Variants in AIDA observed in about 807,000 individuals in gnomAD.
The protein encoded by AIDA is axin interactor, dorsalization associated.
AIDA carries 18 observed loss-of-function variants against 42.7 expected under a neutral mutation model. The ratio of observed to expected loss-of-function variants is 0.42; its 90% CI spans 0.29 to 0.63. The LOEUF (loss-of-function observed/expected upper bound fraction) is 0.63. Ranked by LOEUF, AIDA falls within the 20% of genes least tolerant of loss-of-function variation. The pLI is 0.19. For missense variants in AIDA, 250 were observed against 354.1 expected, an observed-to-expected ratio of 0.71 and a Z score of 2.36; for synonymous variants, 104 against 122.9, an observed-to-expected ratio of 0.85 and a Z score of 1.02.
At chr1:222,677,086 C>G (rs1254964077) in intron 6 of AIDA, among the ~76,000 whole-genome samples, 1 of 151,916 alleles carries the variant, frequency 6.6e-6, no homozygotes, top group Non-Finnish European at 1.5e-5. Flanking sequence ...GAATTTTTTT[C>G]TTTTCTTCAC....
intron 7 of AIDA, among the ~76,000 whole-genome samples, chr1:222,675,094 C>G (rs1664520675): frequency 6.6e-6 from 1 of 152,180 alleles, no homozygotes; most frequent in Non-Finnish European, 1.5e-5. Flanking sequence ...TAATCCCTCT[C>G]TGTGGCAGAA....
chr1:222,701,757 G>A (rs1655713331), intron 2 of AIDA, among the ~76,000 whole-genome samples: 1 of 151,932 alleles, frequency 6.6e-6, no homozygotes, highest in Admixed American at 6.6e-5. Context: ...TCTTGCTCTG[G>A]CTGTCGCGCA....
At chr1:222,696,961 T>C (rs1040521530) in intron 2 of AIDA, among the ~76,000 whole-genome samples, 3 of 152,028 alleles carry the variant, frequency 2.0e-5, no homozygotes, top group African/African-American at 7.2e-5. Flanking sequence ...TTTTTTTTAA[T>C]ATACGGAGTC....
chr1:222,681,500 C>T lies in AIDA; in HGVS notation c.461-5282G>A, dbSNP rs148677526. Among the ~76,000 whole-genome samples, 8 of 152,130 alleles carry T rather than the reference C, an allele frequency of 5.3e-5. No homozygotes were observed. In the East Asian group the frequency reaches 1.5e-3, roughly 29 times the overall value. On this transcript the variant is annotated intron_variant, in intron 6 of 9. Coordinates refer to ENST00000340020, the MANE Select transcript of AIDA (RefSeq NM_022831.4). ...CCAACATGGTGAAACTCTGCCTGCA[C>T]TAAAAATACAAAAATGAGCCGGTGT...
chr1:222,679,089 T>C (rs1175431102), intron 6 of AIDA, among the ~76,000 whole-genome samples: 2 of 152,200 alleles, frequency 1.3e-5, no homozygotes, highest in Non-Finnish European at 1.5e-5. Flanking sequence ...TTATGCTCTA[T>C]AAACATGTGG....
chr1:222,712,111 C>CT, intron 1 of AIDA, 97 bp downstream of exon 1: 1 of 1,532,332 alleles, frequency 6.5e-7, no homozygotes. Flanking sequence ...CCTGAGAAGC[C>CT]TTGGCTGCAG....
chr1:222,677,112 C>A (rs1476329678), intron 6 of AIDA, among the ~76,000 whole-genome samples: 1 of 151,934 alleles, frequency 6.6e-6, no homozygotes, highest in East Asian at 1.9e-4. Flanking sequence ...TCTTATACTT[C>A]TTTTGTTGGG....
intron 6 of AIDA, among the ~76,000 whole-genome samples, chr1:222,679,886 G>A (rs1664622738): frequency 6.6e-6 from 1 of 152,200 alleles, no homozygotes; most frequent in South Asian, 2.1e-4. Context: ...TTTGGGAAGG[G>A]ATGCATTATT....
At chr1:222,687,403 C>T (rs1457804840) in intron 5 of AIDA, among the ~76,000 whole-genome samples, 192 bp downstream of exon 5, 1 of 151,974 alleles carries the variant, frequency 6.6e-6, no homozygotes, top group African/African-American at 2.4e-5. Flanking sequence ...TGCATGCCAG[C>T]CTGGGTGACA....
At chr1:222,687,728 T>C in intron 4 of AIDA, 70 bp from the exon 5 acceptor site, 2 of 1,160,000 alleles carry the variant, frequency 1.7e-6, no homozygotes, top group Non-Finnish European at 2.4e-6. Flanking sequence ...CTTAAATGAT[T>C]AATTTTTAAT....
intron 6 of AIDA, among the ~76,000 whole-genome samples, chr1:222,686,379 T>G (rs952057878): frequency 6.6e-6 from 1 of 152,158 alleles, no homozygotes; most frequent in Non-Finnish European, 1.5e-5. Flanking sequence ...GCTAAACATC[T>G]TGTTTCTTCT....
intron 2 of AIDA, among the ~76,000 whole-genome samples, chr1:222,700,223 T>A (rs1655651791): frequency 6.6e-6 from 1 of 152,158 alleles, no homozygotes; most frequent in African/African-American, 2.4e-5. Context: ...GTATCATAAA[T>A]AATAAATGCC....
chr1:222,712,119 C>T (rs1006269910), intron 1 of AIDA, 89 bp downstream of exon 1: 1 of 1,536,718 alleles, frequency 6.5e-7, no homozygotes. Context: ...GCCTTGGCTG[C>T]AGATACGGTG....
intron 2 of AIDA, 62 bp from the exon 3 acceptor site, chr1:222,694,325 C>T: frequency 7.5e-7 from 1 of 1,331,108 alleles, no homozygotes; most frequent in South Asian, 1.3e-5. Context: ...TTCAAATCAT[C>T]AAGTTAATTT....
intron 1 of AIDA, 66 bp downstream of exon 1, chr1:222,712,142 G>T: frequency 6.5e-7 from 1 of 1,548,624 alleles, no homozygotes; most frequent in South Asian, 1.2e-5. Flanking sequence ...GAGAGACACC[G>T]ACAGAAACAA....
chr1:222,701,312 T>C (rs1371214459), intron 2 of AIDA, among the ~76,000 whole-genome samples: 1 of 152,198 alleles, frequency 6.6e-6, no homozygotes, highest in Non-Finnish European at 1.5e-5. Context: ...CAAATCACTT[T>C]ATATTTGAGG....
At chr1:222,675,903 A>T (rs1019048388) in intron 7 of AIDA, among the ~76,000 whole-genome samples, 193 bp downstream of exon 7, 1 of 152,228 alleles carries the variant, frequency 6.6e-6, no homozygotes, top group Non-Finnish European at 1.5e-5. Flanking sequence ...TAAGAAAATA[A>T]GTAAATCTCT....
chr1:222,688,757 A>G (rs1490945515), intron 4 of AIDA, among the ~76,000 whole-genome samples: 18 of 152,052 alleles, frequency 1.2e-4, no homozygotes, highest in Admixed American at 1.1e-3. Context: ...GAGCCAACAA[A>G]CCTGGCTAAT....
intron 1 of AIDA, among the ~76,000 whole-genome samples, chr1:222,709,155 G>A (rs532055687): frequency 4.8e-4 from 73 of 152,268 alleles, no homozygotes; most frequent in Non-Finnish European, 5.6e-4. Flanking sequence ...AACTGTAGCC[G>A]GGCACGGTGG....
Sources: allele counts gnomAD v4.1 joint callset (sites outside exome capture counted in the v4.1 genomes callset), GRCh38; gene constraint gnomAD v4.1.1; transcripts MANE v1.5; gene names NCBI Gene and HGNC (gene_info 2026-07-23, HGNC 2026-07-21).